Variants in BAZ2A observed in about 807,000 individuals in gnomAD.
BAZ2A encodes bromodomain adjacent to zinc finger domain protein 2A.
In BAZ2A, 34 loss-of-function variants were observed where a neutral mutation model predicts 199.9. That is an observed-to-expected ratio of 0.17 (90% CI 0.13 to 0.23). The LOEUF (loss-of-function observed/expected upper bound fraction) is 0.23, where lower values mean the gene tolerates loss of function less well. Ranked by LOEUF, BAZ2A falls within the 10% of genes least tolerant of loss-of-function variation. The pLI is 1.00. For missense variants in BAZ2A, 2,002 were observed against 2,391.1 expected, an observed-to-expected ratio of 0.84 and a Z score of 3.39; for synonymous variants, 857 against 883.9, an observed-to-expected ratio of 0.97 and a Z score of 0.54.
upstream of BAZ2A, among the ~76,000 whole-genome samples, chr12:56,630,502 C>T (rs1951279448): frequency 6.6e-6 from 1 of 152,242 alleles, no homozygotes; most frequent in South Asian, 2.1e-4. Flanking sequence ...TCCCTCTGCA[C>T]CCGCATCTCA....
At chr12:56,618,749 A>C (rs1254983166) in intron 1 of BAZ2A, among the ~76,000 whole-genome samples, 2 of 151,990 alleles carry the variant, frequency 1.3e-5, no homozygotes, top group Non-Finnish European at 2.9e-5. Flanking sequence ...AGGCACCTGT[A>C]ATCCCAGCTA....
rs1042375819 is a variant in BAZ2A at position 56,600,932 on chromosome 12, A to G, written c.4450+11T>C. ...CTCTTCAGCTCAAGCTGGGTGTAGG[A>G]ATGTATTTACCAGCTGAGGGCCGCA... On this transcript the variant is annotated intron_variant, in intron 22 of 28. Transcript: ENST00000549884. The G allele has an allele frequency of 6.2e-6, 10 of 1,613,372 alleles. No homozygotes were observed. Among genetic ancestry groups the G allele is most frequent in the South Asian group, 3.3e-5 (3 of 91,042 alleles).
chr12:56,601,509 T>C, intron 20 of BAZ2A, 37 bp downstream of exon 20: 1 of 1,601,330 alleles, frequency 6.2e-7, no homozygotes, highest in Non-Finnish European at 8.5e-7. Context: ...TGTGGCAAGA[T>C]GAAATCAAGT....
intron 1 of BAZ2A, among the ~76,000 whole-genome samples, chr12:56,629,504 C>T (rs1173512089): frequency 6.6e-6 from 1 of 152,144 alleles, no homozygotes; most frequent in East Asian, 1.9e-4. Flanking sequence ...CCCTATCAAC[C>T]TCCATCCCCG....
At chr12:56,620,135 T>C (rs1320767746) in intron 1 of BAZ2A, among the ~76,000 whole-genome samples, 1 of 145,458 alleles carries the variant, frequency 6.9e-6, no homozygotes, top group East Asian at 2.0e-4. Flanking sequence ...GGGCCACACA[T>C]AAAATACACT....
intron 8 of BAZ2A, 77 bp from the exon 9 acceptor site, chr12:56,610,292 C>T: frequency 6.3e-7 from 1 of 1,584,306 alleles, no homozygotes; most frequent in Non-Finnish European, 8.7e-7. Context: ...ATAAGCAGAA[C>T]AGGCCCAGAG....
Position 56,603,561 on chromosome 12 carries a change from T to G in BAZ2A, c.3178A>C (p.Ile1060Leu). The change falls in exon 17 of 29, where the codon ATA becomes CTA. Residue 1060 changes from isoleucine (I) to leucine (L), a missense_variant. Physicochemically the swap from Ile to Leu is conservative, Grantham distance 5. Coordinates refer to ENST00000549884, the MANE Select transcript of BAZ2A (RefSeq NM_001300905.2). ...GMEEEEEEESIAAVPGRRGRR... is the reference protein window; with the variant it reads ...GMEEEEEEESLAAVPGRRGRR... ...CCCCTGCGGCCAGGGACAGCTGCTA[T>G]AGACTCCTCTTCTTCCTCTTCTTCC... 1 of 1,614,084 alleles carries G rather than the reference T, an allele frequency of 6.2e-7. No individual in the cohort carries two copies. The highest frequency in any genetic ancestry group is 1.1e-5 in the South Asian group (1 of 91,090).
chr12:56,632,756 T>C (rs1295458876), upstream of BAZ2A, among the ~76,000 whole-genome samples: 1 of 152,090 alleles, frequency 6.6e-6, no homozygotes, highest in East Asian at 1.9e-4. Context: ...AGACCCCACC[T>C]CATCTCATCT....
rs1565804161 is a variant in BAZ2A, at chr12:56,599,267, T to A, written c.5264A>T (p.Asp1755Val). The A allele has an allele frequency of 1.2e-6, 2 of 1,613,480 alleles. No individual in the cohort carries two copies. Among genetic ancestry groups the A allele is most frequent in the Non-Finnish European group, 1.7e-6 (2 of 1,179,804 alleles). The change falls in exon 27 of 29, where the codon GAT (aspartate) becomes GTT (valine). Residue 1755 changes from aspartate to valine, a missense_variant. By Grantham distance (152) the Asp-to-Val change is radical. Coordinates refer to ENST00000549884, the MANE Select transcript of BAZ2A (RefSeq NM_001300905.2). ...CAACAGTACCCGGCGTCGGCGGCCATCACCCTCTGAGAAGTTCAGCGAATA... is the reference window on the plus strand; with the variant it reads ...CAACAGTACCCGGCGTCGGCGGCCAACACCCTCTGAGAAGTTCAGCGAATA... ...SGYSLNFSEG[D>V]GRRRRVLLRG...
rs184714694 is a variant in BAZ2A at position 56,603,720 on chromosome 12, G to C, written c.3039-20C>G. ...TTCAGCCTTGAAATAGATGGAGAAA[G>C]ATTAAGGGAAGGCCAAGTGTGGTGG... On this transcript the variant is annotated intron_variant, in intron 16 of 28. Coordinates refer to ENST00000549884, the MANE Select transcript of BAZ2A (RefSeq NM_001300905.2). 6.2e-7 allele frequency: 1 copy of C among 1,613,308 alleles called. No individual in the cohort carries two copies. The highest frequency in any genetic ancestry group is 2.2e-5 in the East Asian group (1 of 44,866).
At chr12:56,606,454 C>T in intron 11 of BAZ2A, 142 bp from the exon 12 acceptor site, 10 of 1,177,116 alleles carry the variant, frequency 8.5e-6, no homozygotes, top group Non-Finnish European at 1.2e-5. Context: ...TTCTCTCACC[C>T]TAGAGATGCC....
chr12:56,631,776 G>T (rs192164297), upstream of BAZ2A, among the ~76,000 whole-genome samples: 2 of 152,274 alleles, frequency 1.3e-5, no homozygotes. Context: ...TCCTCTGGGG[G>T]TCTGAGGAGG....
chr12:56,601,036 G>A lies in BAZ2A; in HGVS notation c.4357C>T (p.Leu1453=). 2 of 1,610,634 alleles carry A rather than the reference G, an allele frequency of 1.2e-6. No individual in the cohort carries two copies. The highest frequency in any genetic ancestry group is 1.7e-6 in the Non-Finnish European group (2 of 1,178,336). The stretch of plus-strand genomic sequence containing the variant: ...TTCTCCCGGATACCTCGGGGGTGTA[G>A]GGCCTTGAGCATGGCATCCAACATC... ...PEMLDAMLKA[L]HPRGIREKAL... is the part of the protein sequence containing the mutation. The change falls in exon 22 of 29, where the codon CTA becomes TTA. Residue 1453 remains leucine (L), a synonymous_variant. Coordinates refer to ENST00000549884, the MANE Select transcript of BAZ2A (RefSeq NM_001300905.2).
chr12:56,612,014 A>G lies in BAZ2A; in HGVS notation c.1368T>C (p.Ser456=), dbSNP rs560419494. Residue 456 remains serine (S), a synonymous_variant, in exon 6 of 29, where the codon TCT becomes TCC. Coordinates refer to ENST00000549884, the MANE Select transcript of BAZ2A (RefSeq NM_001300905.2). ...AGAAGACTGCTGGAGAGACAACTGT[A>G]GAAGCTGCGGGACAAACTTCTGGAG... ...EISPEVCPAA[S]TVVSPAVFSV... is the part of the protein sequence containing the mutation. 13 of 1,613,508 alleles carry G rather than the reference A, an allele frequency of 8.1e-6. No individual in the cohort carries two copies. The South Asian group carries it at 9.9e-5, about 12-fold the overall frequency.
At chr12:56,604,048 T>A (rs975559888) in intron 16 of BAZ2A, among the ~76,000 whole-genome samples, 169 bp downstream of exon 16, 1 of 151,500 alleles carries the variant, frequency 6.6e-6, no homozygotes, top group Non-Finnish European at 1.5e-5. Context: ...GTGAGGAACA[T>A]GATAGTGCCA....
rs1387144846 is a variant in BAZ2A, at chr12:56,601,792, C to G, written c.3825G>C (p.Gln1275His). 1.9e-6 allele frequency: 3 copies of G among 1,613,996 alleles called. No individual in the cohort carries two copies. The highest frequency in any genetic ancestry group is 2.2e-5 in the East Asian group (1 of 44,878). ...AGCTGCTCAACAGGGAGCTATGGCT[C>G]TGAGTCTGGCTCAGCCAAGACAGGA... is the stretch of plus-strand genomic sequence containing the variant. ...SAFLSWLSQT[Q>H]SHSSLLSSSV... Residue 1275 changes from glutamine (Q) to histidine (H), a missense_variant, in exon 20 of 29, where the codon CAG (glutamine) becomes CAC (histidine). Coordinates refer to ENST00000549884, the MANE Select transcript of BAZ2A (RefSeq NM_001300905.2).
intron 10 of BAZ2A, among the ~76,000 whole-genome samples, 176 bp downstream of exon 10, chr12:56,609,560 T>C (rs1950494572): frequency 6.6e-6 from 1 of 152,164 alleles, no homozygotes; most frequent in African/African-American, 2.4e-5. Context: ...GCTGGAAAAG[T>C]AGTATTCCCA....
At chr12:56,627,382 C>T (rs1446645319) in intron 1 of BAZ2A, among the ~76,000 whole-genome samples, 1 of 150,190 alleles carries the variant, frequency 6.7e-6, no homozygotes, top group Admixed American at 6.7e-5. Context: ...AGGAGGATCG[C>T]TTGAACCTGG....
rs1419486936 is a variant in BAZ2A at position 56,615,079 on chromosome 12, G to GTCA, written c.662_664dup (p.Met221dup). On this transcript the variant is annotated inframe_insertion, in exon 3 of 29. Transcript: ENST00000549884. ...AGTGCCATTCTCTGCCACAACTGAA[G>GTCA]TCATCTCCTTTTCTGCTGCCTCATC... is the stretch of plus-strand genomic sequence containing the variant. The GTCA allele has an allele frequency of 1.5e-5, 25 of 1,613,706 alleles. No homozygotes were observed. Among genetic ancestry groups the GTCA allele is most frequent in the Non-Finnish European group, 2.0e-5 (24 of 1,179,900 alleles).
Sources: gnomAD v4.1 joint callset for allele counts (sites outside exome capture counted in the v4.1 genomes callset) on GRCh38, gnomAD v4.1.1 for gene constraint, MANE v1.5 for transcripts, NCBI Gene and HGNC (gene_info 2026-07-23, HGNC 2026-07-21) for gene names.